CALN1: variants seen among roughly 807,000 people sequenced by gnomAD.
CALN1 encodes calneuron 1, also known as calcium-binding protein 8.
CALN1 carries 17 observed loss-of-function variants against 30.6 expected under a neutral mutation model. The observed-to-expected ratio is 0.56, with a 90% CI of 0.38 to 0.83. CALN1 has a LOEUF of 0.83. Among genes scored for constraint, CALN1 ranks in the 40% least tolerant of loss-of-function variants. The pLI, the probability that CALN1 is intolerant of heterozygous loss-of-function variation, is 0.00. For missense variants in CALN1, 291 were observed against 354.9 expected, an observed-to-expected ratio of 0.82 and a Z score of 1.45; for synonymous variants, 156 against 131.4, an observed-to-expected ratio of 1.19 and a Z score of -1.28.
At chr7:72,016,531 G>A (rs1199858901) in intron 5 of CALN1, among the ~76,000 whole-genome samples, 2 of 151,480 alleles carry the variant, frequency 1.3e-5, no homozygotes, top group Admixed American at 1.3e-4. Flanking sequence ...CAACCTCCTG[G>A]GCTCAGGCAA....
chr7:72,091,698 T>C (rs529050832), intron 4 of CALN1, among the ~76,000 whole-genome samples: 1 of 152,294 alleles, frequency 6.6e-6, no homozygotes, highest in South Asian at 2.1e-4. Context: ...TAGGCAGGCA[T>C]AGAACACTAA....
intron 3 of CALN1, among the ~76,000 whole-genome samples, chr7:72,119,637 C>G (rs780593346): frequency 3.9e-5 from 6 of 151,974 alleles, no homozygotes; most frequent in Non-Finnish European, 5.9e-5. Flanking sequence ...AATGGACTCA[C>G]AGATCCACAT....
At position 71,836,425 on chromosome 7, in the gene CALN1, G is replaced by T. The variant is rs149088883; in HGVS notation, c.502-25933C>A. ...AGGGAGGAAAAGACCTTGCATCTCT[G>T]CAGTGGTGCAATCGCATCTCTGCAG... On this transcript the variant is annotated intron_variant, in intron 5 of 6. Transcript: ENST00000395275. Among the ~76,000 whole-genome samples the T allele has an allele frequency of 7.8e-4, 119 of 152,252 alleles. 1 individual carries two copies. The East Asian group carries it at 0.022, about 28-fold the overall frequency.
At chr7:71,877,903 C>A (rs1792342348) in intron 5 of CALN1, among the ~76,000 whole-genome samples, 1 of 152,078 alleles carries the variant, frequency 6.6e-6, no homozygotes, top group East Asian at 1.9e-4. Flanking sequence ...TAGTAGAAAG[C>A]CATTTTGCCA....
chr7:72,283,179 G>T (rs1169529696), intron 2 of CALN1, among the ~76,000 whole-genome samples: 1 of 151,956 alleles, frequency 6.6e-6, no homozygotes, highest in Non-Finnish European at 1.5e-5. Context: ...CTCCTCTTCT[G>T]TAAAATGGGT....
At chr7:72,062,253 G>A (rs1171210433) in intron 4 of CALN1, among the ~76,000 whole-genome samples, 1 of 152,132 alleles carries the variant, frequency 6.6e-6, no homozygotes, top group Admixed American at 6.5e-5. Context: ...AGTGGCTCAC[G>A]CCTGTGATCC....
At chr7:71,872,554 T>C (rs1265682672) in intron 5 of CALN1, among the ~76,000 whole-genome samples, 2 of 152,160 alleles carry the variant, frequency 1.3e-5, no homozygotes, top group Non-Finnish European at 2.9e-5. Flanking sequence ...TAAATGACTG[T>C]TTATCATTAA....
intron 3 of CALN1, among the ~76,000 whole-genome samples, chr7:72,232,714 C>T (rs923522753): frequency 2.0e-5 from 3 of 152,208 alleles, no homozygotes; most frequent in Admixed American, 1.3e-4. Flanking sequence ...CCCATCTTGG[C>T]CTCCCAAAGT....
At chr7:71,870,811 T>C (rs1303719745) in intron 5 of CALN1, among the ~76,000 whole-genome samples, 1 of 152,190 alleles carries the variant, frequency 6.6e-6, no homozygotes, top group Non-Finnish European at 1.5e-5. Flanking sequence ...ATTTTACTTA[T>C]TCTGAATTAG....
At chr7:72,181,223 TAATATATAA>T in intron 3 of CALN1, among the ~76,000 whole-genome samples, 1 of 147,780 alleles carries the variant, frequency 6.8e-6, no homozygotes, top group South Asian at 2.1e-4. Flanking sequence ...GGAATATATA[TAATATATAA>T]AATATATATT....
chr7:72,125,041 T>C (rs1808647920), intron 3 of CALN1, among the ~76,000 whole-genome samples: 1 of 152,230 alleles, frequency 6.6e-6, no homozygotes, highest in African/African-American at 2.4e-5. Context: ...TTTGTTATTT[T>C]GTTTTGAAAC....
chr7:71,987,228 C>A (rs1798721426), intron 5 of CALN1, among the ~76,000 whole-genome samples: 1 of 152,066 alleles, frequency 6.6e-6, no homozygotes, highest in Non-Finnish European at 1.5e-5. Flanking sequence ...TTTAAAGGGG[C>A]AACAGAAGGA....
chr7:72,018,169 T>C (rs530291066), intron 5 of CALN1, among the ~76,000 whole-genome samples: 2 of 152,092 alleles, frequency 1.3e-5, no homozygotes, highest in African/African-American at 4.8e-5. Context: ...CCTCTGCCAC[T>C]TGGGGACATC....
intron 3 of CALN1, among the ~76,000 whole-genome samples, chr7:72,205,551 A>AAAATATACATAT: frequency 1.2e-5 from 1 of 83,044 alleles, no homozygotes; most frequent in African/African-American, 7.4e-5. Context: ...GCAAAAAAAA[A>AAAATATACATAT]ATATATATAT....
intron 3 of CALN1, among the ~76,000 whole-genome samples, chr7:72,267,030 T>C (rs1452758964): frequency 6.6e-6 from 1 of 152,186 alleles, no homozygotes; most frequent in Non-Finnish European, 1.5e-5. Flanking sequence ...TGTGGCTCAT[T>C]CATTGCGTAG....
intron 1 of CALN1, among the ~76,000 whole-genome samples, chr7:72,404,051 G>C (rs1806533757): frequency 6.6e-6 from 1 of 152,100 alleles, no homozygotes; most frequent in Non-Finnish European, 1.5e-5. Context: ...TCCACTTGAT[G>C]TCACCAAGTG....
chr7:72,130,990 C>T (rs1286766901), intron 3 of CALN1, among the ~76,000 whole-genome samples: 1 of 152,190 alleles, frequency 6.6e-6, no homozygotes, highest in African/African-American at 2.4e-5. Context: ...AGTTACAGGA[C>T]ATTGCCACAG....
At chr7:72,099,819 T>A (rs1806516720) in intron 4 of CALN1, among the ~76,000 whole-genome samples, 1 of 152,216 alleles carries the variant, frequency 6.6e-6, no homozygotes, top group African/African-American at 2.4e-5. Flanking sequence ...GTGAAATAGT[T>A]GATGACTTGG....
chr7:71,791,816 T>C (rs989879437), intron 6 of CALN1, among the ~76,000 whole-genome samples: 2 of 152,206 alleles, frequency 1.3e-5, no homozygotes, highest in African/African-American at 2.4e-5. Flanking sequence ...GAGACCATCC[T>C]GGCTAACACG....
Sources: gnomAD v4.1 joint callset for allele counts (sites outside exome capture counted in the v4.1 genomes callset) on GRCh38, gnomAD v4.1.1 for gene constraint, MANE v1.5 for transcripts, NCBI Gene and HGNC (gene_info 2026-07-23, HGNC 2026-07-21) for gene names.